CNTN1: variants seen among roughly 807,000 people sequenced by gnomAD.
CNTN1 encodes contactin 1.
Under a neutral mutation model 126.4 loss-of-function variants are expected in CNTN1, and 38 were observed. The ratio of observed to expected loss-of-function variants is 0.30; its 90% CI spans 0.23 to 0.39. CNTN1 has a LOEUF of 0.39. CNTN1 is among the 10% of genes least tolerant of loss of function. CNTN1 has a pLI of 1.00. For synonymous variants in CNTN1, 413 were observed against 422.6 expected (o/e 0.98, Z 0.28); for missense variants, 1,009 against 1,248.4 (o/e 0.81, Z 2.89).
chr12:41,012,150 C>A (rs1164079189), intron 17 of CNTN1, among the ~76,000 whole-genome samples: 1 of 151,904 alleles, frequency 6.6e-6, no homozygotes, highest in Non-Finnish European at 1.5e-5. Context: ...GCTCTCCAGA[C>A]CAAGGGCAGA....
chr12:41,012,749 G>T (rs1322619846), intron 17 of CNTN1, among the ~76,000 whole-genome samples: 1 of 152,140 alleles, frequency 6.6e-6, no homozygotes, highest in Non-Finnish European at 1.5e-5. Flanking sequence ...TCCAGTATTT[G>T]GTTTGATTTG....
chr12:40,859,177 T>C (rs1592168153), intron 1 of CNTN1, among the ~76,000 whole-genome samples: 1 of 151,568 alleles, frequency 6.6e-6, no homozygotes, highest in African/African-American at 2.4e-5. Flanking sequence ...GAGGAGATGA[T>C]GGTGAAAGGG....
At chr12:40,965,021 CT>C (rs1358430964) in intron 15 of CNTN1, among the ~76,000 whole-genome samples, 1 of 151,976 alleles carries the variant, frequency 6.6e-6, no homozygotes, top group Admixed American at 6.6e-5. Context: ...AATTAGTATT[CT>C]TTTTTTGTAA....
At chr12:40,891,508 T>C (rs1349177534) in intron 1 of CNTN1, among the ~76,000 whole-genome samples, 1 of 152,148 alleles carries the variant, frequency 6.6e-6, no homozygotes, top group Non-Finnish European at 1.5e-5. Context: ...AGGAGTTTTA[T>C]AGTTTTGCAT....
At chr12:40,923,154 A>C (rs986757341) in intron 5 of CNTN1, among the ~76,000 whole-genome samples, 5 of 151,964 alleles carry the variant, frequency 3.3e-5, no homozygotes, top group African/African-American at 1.2e-4. Flanking sequence ...CCTAATATTT[A>C]ACTTCTAATA....
Position 40,908,603 on chromosome 12 carries a change from G to A in CNTN1, c.61+110G>A, listed in dbSNP as rs978218532. ...AAATTCTTATTTTCTCGACATCTGG[G>A]TCAGATAAGTAGATAAATATGTATC... is the stretch of plus-strand genomic sequence containing the variant. On this transcript the variant is annotated intron_variant, in intron 2 of 23. Coordinates refer to ENST00000551295, the MANE Select transcript of CNTN1 (RefSeq NM_001843.4). 5 of 727,702 alleles carry A rather than the reference G, an allele frequency of 6.9e-6. No homozygotes were observed. In the African/African-American group the frequency reaches 7.1e-5, roughly 10 times the overall value. The allele number at this position is 727,702 out of a possible 1,614,324, so 45.1% of individuals were successfully genotyped here.
chr12:40,943,690 G>C lies in CNTN1; in HGVS notation c.1473G>C (p.Gly491=), dbSNP rs1271481774. 5.0e-6 allele frequency: 8 copies of C among 1,612,590 alleles called. No homozygotes were observed. Among genetic ancestry groups the C allele is most frequent in the Non-Finnish European group, 6.8e-6 (8 of 1,179,124 alleles). The part of the protein sequence containing the change: ...IYTCFAENNR[G]KANSTGTLVI... ...CATGCTTTGCAGAAAATAACAGAGG[G>C]AAAGCTAATAGCACTGGAACCCTTG... The change falls in exon 13 of 24, where the codon GGG becomes GGC. Residue 491 remains glycine, a synonymous_variant. Transcript: ENST00000551295.
At chr12:40,911,365 C>T (rs1299198096) in intron 3 of CNTN1, among the ~76,000 whole-genome samples, 1 of 152,194 alleles carries the variant, frequency 6.6e-6, no homozygotes, top group Non-Finnish European at 1.5e-5. Flanking sequence ...CAGGCGTGAG[C>T]CACCGTGCCC....
At chr12:41,039,189 T>C (rs1949338876) in intron 23 of CNTN1, among the ~76,000 whole-genome samples, 1 of 152,116 alleles carries the variant, frequency 6.6e-6, no homozygotes, top group African/African-American at 2.4e-5. Flanking sequence ...CAATAGAGCA[T>C]CTCAACCACT....
At chr12:40,874,272 A>G (rs562588654) in intron 1 of CNTN1, among the ~76,000 whole-genome samples, 1 of 152,232 alleles carries the variant, frequency 6.6e-6, no homozygotes, top group South Asian at 2.1e-4. Flanking sequence ...ACAACCTAGT[A>G]AATACAAATA....
intron 1 of CNTN1, among the ~76,000 whole-genome samples, chr12:40,792,424 CTAT>C (rs1412454702): frequency 2.0e-5 from 3 of 152,034 alleles, no homozygotes; most frequent in African/African-American, 7.2e-5. Flanking sequence ...CTTTTAAAAT[CTAT>C]TATTTAAACT....
chr12:40,872,206 CTTTGTTTGTGTGTG>C (rs1565865011), intron 1 of CNTN1, among the ~76,000 whole-genome samples: 1 of 86,920 alleles, frequency 1.2e-5, no homozygotes, highest in African/African-American at 6.0e-5. Context: ...TTTTCCGTTG[CTTTGTTTGTGTGTG>C]TGTGTGTGTG....
At chr12:40,973,389 A>G (rs1947580846) in intron 15 of CNTN1, among the ~76,000 whole-genome samples, 1 of 152,106 alleles carries the variant, frequency 6.6e-6, no homozygotes, top group African/African-American at 2.4e-5. Flanking sequence ...TCCTTGGCGA[A>G]GAAGATGTCT....
At chr12:40,915,956 CA>C (rs763888353) in intron 3 of CNTN1, among the ~76,000 whole-genome samples, 2 of 152,096 alleles carry the variant, frequency 1.3e-5, no homozygotes, top group Non-Finnish European at 2.9e-5. Context: ...ACTTGCAACA[CA>C]AATTCATTTC....
intron 1 of CNTN1, among the ~76,000 whole-genome samples, 162 bp from the exon 2 acceptor site, chr12:40,908,195 C>T (rs1399741406): frequency 1.3e-5 from 2 of 152,182 alleles, no homozygotes; most frequent in African/African-American, 4.8e-5. Context: ...ACTTATTCTA[C>T]AAACGAAAAG....
chr12:41,017,062 A>C, intron 19 of CNTN1, 146 bp downstream of exon 19: 2 of 694,888 alleles, frequency 2.9e-6, no homozygotes, highest in Non-Finnish European at 5.2e-6. Context: ...ATTTTGAACC[A>C]AATTAAACAT....
At chr12:40,994,010 C>T (rs189509479) in intron 17 of CNTN1, among the ~76,000 whole-genome samples, 388 of 151,954 alleles carry the variant, frequency 2.6e-3, no homozygotes, top group Non-Finnish European at 3.6e-3. Flanking sequence ...TGAATCTCTC[C>T]GAGACATTGT....
At chr12:41,020,903 C>T (rs746018754) in intron 20 of CNTN1, among the ~76,000 whole-genome samples, 6 of 152,122 alleles carry the variant, frequency 3.9e-5, no homozygotes, top group Non-Finnish European at 7.4e-5. Flanking sequence ...TATGAAGTAA[C>T]AATCAAAATG....
At chr12:41,028,979 A>G (rs1949088946) in intron 22 of CNTN1, 84 bp from the exon 23 acceptor site, 1 of 1,295,524 alleles carries the variant, frequency 7.7e-7, no homozygotes, top group Admixed American at 1.7e-5. Flanking sequence ...TCAAAGTATA[A>G]GCATTTTTAT....
Sources: gnomAD v4.1 joint callset for allele counts (sites outside exome capture counted in the v4.1 genomes callset) on GRCh38, gnomAD v4.1.1 for gene constraint, MANE v1.5 for transcripts, NCBI Gene and HGNC (gene_info 2026-07-23, HGNC 2026-07-21) for gene names.